KLHL41: variants seen among roughly 807,000 people sequenced by gnomAD.
KLHL41 encodes kelch-like protein 41.
In KLHL41, 31 loss-of-function variants were observed where a neutral mutation model predicts 49.2. The ratio of observed to expected loss-of-function variants is 0.63; its 90% CI spans 0.47 to 0.85. The LOEUF is 0.85. KLHL41 is among the 40% of genes least tolerant of loss of function. KLHL41 has a pLI of 0.00. For missense variants in KLHL41, 663 were observed against 726.7 expected, an observed-to-expected ratio of 0.91 and a Z score of 1.01; for synonymous variants, 218 against 258.5, an observed-to-expected ratio of 0.84 and a Z score of 1.50.
At position 169,525,244 on chromosome 2, in the gene KLHL41, C is replaced by CT. The variant is rs139315537; in HGVS notation, c.1710-340dup. ...TCAGTTCTTTCTCTTAAGCAAGAGT[C>CT]TGCTTACTTTGACTCAGAGACCAGC... On this transcript the variant is annotated intron_variant, in intron 5 of 5. Coordinates refer to ENST00000284669, the MANE Select transcript of KLHL41 (RefSeq NM_006063.3). Among the ~76,000 whole-genome samples, 4,206 of 152,314 alleles carry CT rather than the reference C, an allele frequency of 0.028. 83 individuals are homozygous for CT. Among genetic ancestry groups the CT allele is most frequent in the East Asian group, 0.1 (543 of 5,186 alleles).
chr2:169,520,766 T>G (rs1684190618), intron 4 of KLHL41, 95 bp from the exon 5 acceptor site: 1 of 1,101,096 alleles, frequency 9.1e-7, no homozygotes. Context: ...TGGCCACTAC[T>G]TGAATTTTTA....
intron 1 of KLHL41, among the ~76,000 whole-genome samples, chr2:169,511,158 T>C (rs1485145555): frequency 1.3e-5 from 2 of 152,214 alleles, no homozygotes; most frequent in Non-Finnish European, 2.9e-5. Flanking sequence ...AAAAATGCCT[T>C]GTTTATAGAT....
In KLHL41 at chr2:169,518,220, C is replaced by T; in HGVS notation, c.1407C>T (p.Asn469=). ...KKCTNRVFIF[N]PKKGDWKDLA... ...GTACAAACAGGGTGTTTATCTTCAA[C>T]CCCAAAAAAGGAGATTGGAAAGATC... is the stretch of plus-strand genomic sequence containing the variant. The change falls in exon 4 of 6, where the codon AAC becomes AAT. Residue 469 remains asparagine, a synonymous_variant. Coordinates refer to ENST00000284669, the MANE Select transcript of KLHL41 (RefSeq NM_006063.3). The T allele has an allele frequency of 6.2e-7, 1 of 1,613,226 alleles. No homozygotes were observed. Among genetic ancestry groups the T allele is most frequent in the Non-Finnish European group, 8.5e-7 (1 of 1,179,512 alleles).
intron 5 of KLHL41, among the ~76,000 whole-genome samples, chr2:169,522,499 G>A (rs1684217526): frequency 2.6e-5 from 4 of 152,116 alleles, no homozygotes; most frequent in Admixed American, 6.5e-5. Context: ...ATGAACTAAT[G>A]AAGGCCGGGA....
At chr2:169,515,163 A>G (rs1684097060) in intron 3 of KLHL41, among the ~76,000 whole-genome samples, 1 of 151,250 alleles carries the variant, frequency 6.6e-6, no homozygotes, top group South Asian at 2.1e-4. Context: ...CCTCCTGAGT[A>G]GCTGGGATTA....
chr2:169,512,679 G>T (rs923409493), intron 1 of KLHL41, among the ~76,000 whole-genome samples: 1 of 152,008 alleles, frequency 6.6e-6, no homozygotes, highest in African/African-American at 2.4e-5. Context: ...CAAATGCCTT[G>T]CTGCTTTTAA....
rs1684020142 is a variant in KLHL41, at chr2:169,510,819, A to T, written c.1041A>T (p.Ile347=). 3 of 1,613,918 alleles carry T rather than the reference A, an allele frequency of 1.9e-6. No individual in the cohort carries two copies. Among genetic ancestry groups the T allele is most frequent in the Non-Finnish European group, 2.5e-6 (3 of 1,179,858 alleles). The part of the protein sequence containing the change: ...HSSIVTQQNQ[I]YVVGGLYVDE... The stretch of plus-strand genomic sequence containing the variant: ...GCATTGTTACCCAGCAAAATCAGAT[A>T]TATGTGGTAGGAGGACTATATGTGG... Residue 347 remains isoleucine, a synonymous_variant, in exon 1 of 6, where the codon ATA becomes ATT. Transcript: ENST00000284669. The surrounding 1 kb of genome is among the most constrained non-coding windows in gnomAD (Gnocchi z 4.2).
chr2:169,510,088 C>T lies in KLHL41; in HGVS notation c.310C>T (p.Gln104Ter), dbSNP rs763217141. 2 of 1,614,048 alleles carry T rather than the reference C, an allele frequency of 1.2e-6. No homozygotes were observed. The highest frequency in any genetic ancestry group is 1.7e-6 in the Non-Finnish European group (2 of 1,180,026). ...ASIDLNDGNVQDIFALASRFQ... is the reference protein window; with the variant it reads ...ASIDLNDGNV ...TATTGATCTCAATGACGGAAATGTGCAAGATATTTTTGCATTGGCCAGCCG... is the reference window on the plus strand; with the variant it reads ...TATTGATCTCAATGACGGAAATGTGTAAGATATTTTTGCATTGGCCAGCCG... The change falls in exon 1 of 6, where the codon CAA becomes TAA. Residue 104 changes from glutamine (Q) to a stop codon, truncating the protein, a stop_gained. Transcript: ENST00000284669. LOFTEE classifies it high-confidence loss of function. The surrounding 1 kb of genome is among the most constrained non-coding windows in gnomAD (Gnocchi z 4.2).
At chr2:169,518,062 T>C in intron 3 of KLHL41, 128 bp from the exon 4 acceptor site, 1 of 665,680 alleles carries the variant, frequency 1.5e-6, no homozygotes. Context: ...TGGCATATGT[T>C]CAAATTAAGA....
Position 169,525,827 on chromosome 2 carries a change from G to A in KLHL41, c.*131G>A, listed in dbSNP as rs1160341067. 1.9e-6 allele frequency: 1 copy of A among 531,498 alleles called. No homozygotes were observed. The highest frequency in any genetic ancestry group is 1.9e-5 in the African/African-American group (1 of 52,288). 32.9% of individuals were successfully genotyped at this position (531,498 alleles called of 1,614,324 possible). Reference sequence around the variant, plus strand: ...TTCAAGAAGTTATTGTCTAAGAGATGAGCAGTAGGTAAGAAAACCTCAGTC... The same window carrying A: ...TTCAAGAAGTTATTGTCTAAGAGATAAGCAGTAGGTAAGAAAACCTCAGTC... On this transcript the variant is annotated 3_prime_UTR_variant, in exon 6 of 6. Transcript: ENST00000284669.
intron 4 of KLHL41, among the ~76,000 whole-genome samples, chr2:169,519,226 T>G (rs1457321479): frequency 6.6e-6 from 1 of 152,196 alleles, no homozygotes; most frequent in Admixed American, 6.5e-5. Context: ...ATTGGTCTTT[T>G]TAAAATTTTT....
intron 3 of KLHL41, among the ~76,000 whole-genome samples, chr2:169,516,228 G>T (rs1684113032): frequency 2.0e-5 from 3 of 152,198 alleles, no homozygotes; most frequent in African/African-American, 7.2e-5. Flanking sequence ...GGAAAGGAGA[G>T]TAAAATATAG....
chr2:169,513,737 C>T (rs937886926), intron 1 of KLHL41, among the ~76,000 whole-genome samples: 1 of 152,168 alleles, frequency 6.6e-6, no homozygotes, highest in African/African-American at 2.4e-5. Context: ...TGCAACTGTA[C>T]TCTTGCAGAA....
At chr2:169,515,513 G>C (rs888102103) in intron 3 of KLHL41, among the ~76,000 whole-genome samples, 1 of 152,138 alleles carries the variant, frequency 6.6e-6, no homozygotes, top group Non-Finnish European at 1.5e-5. Context: ...GCAGTATCTA[G>C]GAGCATAATC....
chr2:169,519,587 A>G (rs1029214169), intron 4 of KLHL41, among the ~76,000 whole-genome samples: 2 of 151,980 alleles, frequency 1.3e-5, no homozygotes, highest in East Asian at 3.9e-4. Flanking sequence ...TATGTCTGTA[A>G]GGTATGATTA....
intron 5 of KLHL41, among the ~76,000 whole-genome samples, 176 bp from the exon 6 acceptor site, chr2:169,525,409 C>T (rs1299556805): frequency 6.6e-6 from 1 of 152,208 alleles, no homozygotes; most frequent in Non-Finnish European, 1.5e-5. Flanking sequence ...CAGGCACATG[C>T]TCATCCAGAC....
chr2:169,516,592 T>C (rs985292068), intron 3 of KLHL41, among the ~76,000 whole-genome samples: 1 of 152,196 alleles, frequency 6.6e-6, no homozygotes, highest in Non-Finnish European at 1.5e-5. Context: ...CATTAGTAAC[T>C]AGGAAATTGA....
At chr2:169,521,359 C>T (rs1684200733) in intron 5 of KLHL41, among the ~76,000 whole-genome samples, 1 of 152,010 alleles carries the variant, frequency 6.6e-6, no homozygotes, top group South Asian at 2.1e-4. Flanking sequence ...TATTTCCTAA[C>T]AAAACAGAGT....
intron 2 of KLHL41, 29 bp from the exon 3 acceptor site, chr2:169,514,825 T>C (rs1386084767): frequency 6.3e-7 from 1 of 1,595,150 alleles, no homozygotes; most frequent in Non-Finnish European, 8.5e-7. Flanking sequence ...TTACTGAAGG[T>C]ATATAAATTC....
Sources: allele counts gnomAD v4.1 joint callset (sites outside exome capture counted in the v4.1 genomes callset), GRCh38; gene constraint gnomAD v4.1.1; non-coding constraint Gnocchi (gnomAD v3.1); transcripts MANE v1.5; gene names NCBI Gene and HGNC (gene_info 2026-07-23, HGNC 2026-07-21).